Variants in DMXL2 observed in about 807,000 individuals in gnomAD.
DMXL2 encodes the protein dmX-like protein 2.
In DMXL2, 103 loss-of-function variants were observed where a neutral mutation model predicts 331.1. That is an observed-to-expected ratio of 0.31 (90% CI 0.27 to 0.37). The LOEUF (loss-of-function observed/expected upper bound fraction) is 0.37, where lower values mean the gene tolerates loss of function less well. DMXL2 is among the 10% of genes least tolerant of loss of function. The pLI, the probability that DMXL2 is intolerant of heterozygous loss-of-function variation, is 1.00. For missense variants in DMXL2, 3,171 were observed against 3,642.9 expected (o/e 0.87, Z 3.33); for synonymous variants, 1,281 against 1,252.1 (o/e 1.02, Z -0.49).
At chr15:51,461,343 T>G (rs1159834827) in intron 33 of DMXL2, among the ~76,000 whole-genome samples, 4 of 152,202 alleles carry the variant, frequency 2.6e-5, no homozygotes, top group African/African-American at 9.6e-5. Flanking sequence ...AAGACGAGAA[T>G]GGGAGGGTCC....
At chr15:51,602,396 T>C (rs958812701) in intron 1 of DMXL2, among the ~76,000 whole-genome samples, 4 of 152,108 alleles carry the variant, frequency 2.6e-5, no homozygotes, top group Admixed American at 1.3e-4. Flanking sequence ...TACTCTGAGG[T>C]GCCATGACCC....
chr15:51,551,561 C>A (rs557764588), intron 6 of DMXL2, among the ~76,000 whole-genome samples: 1 of 152,002 alleles, frequency 6.6e-6, no homozygotes, highest in Non-Finnish European at 1.5e-5. Context: ...TAAAGAGCCA[C>A]ATTTCACTCT....
intron 6 of DMXL2, among the ~76,000 whole-genome samples, chr15:51,549,204 T>C (rs577308914): frequency 1.3e-5 from 2 of 152,292 alleles, no homozygotes; most frequent in South Asian, 4.1e-4. Context: ...AGTGAGAACA[T>C]ACGATGTTTG....
intron 1 of DMXL2, among the ~76,000 whole-genome samples, chr15:51,617,686 G>A (rs1033630887): frequency 2.0e-5 from 3 of 152,078 alleles, no homozygotes; most frequent in African/African-American, 7.2e-5. Flanking sequence ...ATTTTCATTC[G>A]TGGTCTAAAT....
chr15:51,484,355 C>T (rs931127447), intron 23 of DMXL2, among the ~76,000 whole-genome samples: 2 of 152,210 alleles, frequency 1.3e-5, no homozygotes, highest in African/African-American at 4.8e-5. Flanking sequence ...CATATGCACC[C>T]CAACCTGAAA....
rs537257718 is a variant in DMXL2 at position 51,606,346 on chromosome 15, G to A, written c.87+16113C>T. Reference sequence around the variant, plus strand: ...CCTCAGCCTCCCGAGTAGCTGGGACGACGCTATGCCCAGCTAATTTCGTAT... The same window carrying A: ...CCTCAGCCTCCCGAGTAGCTGGGACAACGCTATGCCCAGCTAATTTCGTAT... On this transcript the variant is annotated intron_variant, in intron 1 of 43. Coordinates refer to ENST00000560891, the MANE Select transcript of DMXL2 (RefSeq NM_001378457.1). Among the ~76,000 whole-genome samples, 16 of 151,700 alleles carry A rather than the reference G, an allele frequency of 1.1e-4. No individual in the cohort carries two copies. In the East Asian group the frequency reaches 1.4e-3, roughly 13 times the overall value.
intron 33 of DMXL2, among the ~76,000 whole-genome samples, chr15:51,461,316 A>C (rs1192183000): frequency 1.3e-5 from 2 of 152,278 alleles, no homozygotes; most frequent in East Asian, 3.9e-4. Context: ...GGAAGAAGCA[A>C]ACTCGTGGGG....
chr15:51,474,962 A>G (rs1249814593), intron 27 of DMXL2, among the ~76,000 whole-genome samples: 1 of 152,212 alleles, frequency 6.6e-6, no homozygotes, highest in Non-Finnish European at 1.5e-5. Context: ...AAGTGAAAGT[A>G]TAATATTTTA....
Position 51,506,546 on chromosome 15 carries a change from C to CG in DMXL2, c.2764+587dup, listed in dbSNP as rs570127015. Among the ~76,000 whole-genome samples, 48 of 151,388 alleles carry CG rather than the reference C, an allele frequency of 3.2e-4. No homozygotes were observed. In the East Asian group the frequency reaches 5.3e-3, roughly 17 times the overall value. Reference sequence around the variant, plus strand: ...TCAGCTCACTGCAACCTCTGCCTCCCGGGTTCACGCCATTCTCCTGCCTCA... The same window carrying CG: ...TCAGCTCACTGCAACCTCTGCCTCCCGGGGTTCACGCCATTCTCCTGCCTCA... On this transcript the variant is annotated intron_variant, in intron 16 of 43. Transcript: ENST00000560891.
At chr15:51,579,491 C>T (rs539540975) in intron 1 of DMXL2, among the ~76,000 whole-genome samples, 2 of 152,312 alleles carry the variant, frequency 1.3e-5, no homozygotes, top group South Asian at 4.1e-4. Context: ...TCCCACTATA[C>T]TGAATGGTTC....
rs1011443200 is a variant in DMXL2, at chr15:51,592,166, G to GA, written c.88-15986dup. Among the ~76,000 whole-genome samples the GA allele has an allele frequency of 3.3e-3, 492 of 148,438 alleles. 19 individuals are homozygous for GA. In the East Asian group the frequency reaches 0.064, roughly 19 times the overall value. Reference sequence around the variant, plus strand: ...CCATGGCAAAGAAGTTAAAAACCTTGAAAAAAAAAATAGACGAATGGCTAA... The same window carrying GA: ...CCATGGCAAAGAAGTTAAAAACCTTGAAAAAAAAAAATAGACGAATGGCTAA... On this transcript the variant is annotated intron_variant, in intron 1 of 43. Coordinates refer to ENST00000560891, the MANE Select transcript of DMXL2 (RefSeq NM_001378457.1).
At position 51,536,791 on chromosome 15, in the gene DMXL2, C is replaced by A; in HGVS notation, c.1689G>T (p.Met563Ile). The change falls in exon 12 of 44, where the codon ATG (methionine) becomes ATT (isoleucine). Residue 563 changes from methionine (M) to isoleucine (I), a missense_variant. Coordinates refer to ENST00000560891, the MANE Select transcript of DMXL2 (RefSeq NM_001378457.1). ...TTGTCGCATTTATACAGGCATACAT[C>A]ATGATATTTTTACTAAGAGAGCTTG... is the stretch of plus-strand genomic sequence containing the variant. ...GDASSLSKNI[M>I]MYACINATKD... The A allele has an allele frequency of 5.6e-6, 9 of 1,613,814 alleles. No individual in the cohort carries two copies. Among genetic ancestry groups the A allele is most frequent in the Non-Finnish European group, 7.6e-6 (9 of 1,179,902 alleles).
At chr15:51,462,041 A>T (rs1397894714) in intron 33 of DMXL2, among the ~76,000 whole-genome samples, 1 of 152,124 alleles carries the variant, frequency 6.6e-6, no homozygotes, top group East Asian at 1.9e-4. Context: ...TATAACTAGG[A>T]CTCAAAAGGT....
At chr15:51,479,836 T>C in intron 25 of DMXL2, 112 bp downstream of exon 25, 1 of 733,246 alleles carries the variant, frequency 1.4e-6, no homozygotes, top group East Asian at 2.9e-5. Context: ...TGATCATGAG[T>C]GAGAAAGGTA....
chr15:51,608,556 T>G (rs973693616), intron 1 of DMXL2, among the ~76,000 whole-genome samples: 1 of 151,924 alleles, frequency 6.6e-6, no homozygotes, highest in African/African-American at 2.4e-5. Context: ...TGAGTACACA[T>G]GGACACAAAG....
Position 51,502,804 on chromosome 15 carries a change from A to G in DMXL2, c.2992+2T>C, listed in dbSNP as rs911230770. The G allele has an allele frequency of 1.2e-6, 2 of 1,611,152 alleles. No individual in the cohort carries two copies. Among genetic ancestry groups the G allele is most frequent in the Admixed American group, 3.3e-5 (2 of 60,022 alleles). On this transcript the variant is annotated splice_donor_variant, in intron 17 of 43. Coordinates refer to ENST00000560891, the MANE Select transcript of DMXL2 (RefSeq NM_001378457.1). LOFTEE classifies it high-confidence loss of function. ...CACTGCCCAGTCTTAAAGTGACCTT[A>G]CCTGCTGAAGGCGTTGCTCTTATTA...
rs1330535134 is a variant in DMXL2, at chr15:51,550,212, A to G, written c.568-2804T>C. Among the ~76,000 whole-genome samples the G allele has an allele frequency of 3.3e-5, 5 of 152,152 alleles. No individual in the cohort carries two copies. The East Asian group carries it at 9.6e-4, about 29-fold the overall frequency. ...TCAACAGATGCAGAAAAAGCACTTG[A>G]CAAAATCCAGCATCCCTTTATAATT... On this transcript the variant is annotated intron_variant, in intron 6 of 43. Coordinates refer to ENST00000560891, the MANE Select transcript of DMXL2 (RefSeq NM_001378457.1).
At chr15:51,544,932 C>A (rs1334643900) in intron 8 of DMXL2, among the ~76,000 whole-genome samples, 3 of 151,972 alleles carry the variant, frequency 2.0e-5, no homozygotes, top group African/African-American at 7.2e-5. Flanking sequence ...TAATAAATTT[C>A]TGACAATTCA....
intron 6 of DMXL2, among the ~76,000 whole-genome samples, chr15:51,550,494 T>G (rs796866849): frequency 1.4e-4 from 22 of 152,230 alleles, no homozygotes; most frequent in African/African-American, 5.3e-4. Context: ...TACTTAATGT[T>G]TTTTATGGTG....
Sources: gnomAD v4.1 joint callset for allele counts (sites outside exome capture counted in the v4.1 genomes callset) on GRCh38, gnomAD v4.1.1 for gene constraint, MANE v1.5 for transcripts, NCBI Gene and HGNC (gene_info 2026-07-23, HGNC 2026-07-21) for gene names.